Variants in COMMD1 observed in about 807,000 individuals in gnomAD.
The protein encoded by COMMD1 is copper metabolism domain containing 1, also known as COMM domain-containing protein 1.
Under a neutral mutation model 17.2 loss-of-function variants are expected in COMMD1, and 10 were observed. The ratio of observed to expected loss-of-function variants is 0.58; its 90% CI spans 0.36 to 0.99. The LOEUF is 0.99. Among genes scored for constraint, COMMD1 ranks in the 50% least tolerant of loss-of-function variants. The probability of loss-of-function intolerance (pLI) is 0.01; values close to 1 mark genes in which losing one functional copy is unlikely to be tolerated. For synonymous variants in COMMD1, 97 were observed against 91.6 expected (o/e 1.06, Z -0.34); for missense variants, 270 against 231.8 (o/e 1.17, Z -1.07).
intron 2 of COMMD1, among the ~76,000 whole-genome samples, chr2:62,103,116 C>G (rs535406725): frequency 6.6e-6 from 1 of 151,990 alleles, no homozygotes; most frequent in Non-Finnish European, 1.5e-5. Flanking sequence ...GAAGCTGGGA[C>G]TACAGGTGCC....
rs904483167 is a variant in COMMD1, at chr2:62,017,773, C to T, written c.462+16791C>T. Among the ~76,000 whole-genome samples, 4 of 151,950 alleles carry T rather than the reference C, an allele frequency of 2.6e-5. No individual in the cohort carries two copies. The South Asian group carries it at 8.3e-4, about 32-fold the overall frequency. Reference sequence around the variant, plus strand: ...TGACTTCAGGCTGGGCATGGTGGCTCACGCCTATAATACCAGCACTTTGGG... The same window carrying T: ...TGACTTCAGGCTGGGCATGGTGGCTTACGCCTATAATACCAGCACTTTGGG... On this transcript the variant is annotated intron_variant, in intron 2 of 2. Transcript: ENST00000311832.
chr2:62,069,070 C>T (rs528875065), intron 2 of COMMD1, among the ~76,000 whole-genome samples: 9 of 152,248 alleles, frequency 5.9e-5, no homozygotes, highest in Non-Finnish European at 1.0e-4. Flanking sequence ...AGAGGATTTA[C>T]GAAAACTTTG....
At chr2:61,892,863 A>G (rs1669465674) in intron 1 of COMMD1, among the ~76,000 whole-genome samples, 1 of 151,304 alleles carries the variant, frequency 6.6e-6, no homozygotes, top group Non-Finnish European at 1.5e-5. Context: ...TACTGTTTGC[A>G]TCGTTCTTTT....
chr2:61,971,000 C>T (rs1158029108), intron 1 of COMMD1, among the ~76,000 whole-genome samples: 1 of 152,166 alleles, frequency 6.6e-6, no homozygotes, highest in Non-Finnish European at 1.5e-5. Context: ...CCCCTGTCTC[C>T]TGGGCTCAAG....
intron 2 of COMMD1, among the ~76,000 whole-genome samples, chr2:62,067,011 C>A (rs768279856): frequency 1.8e-4 from 28 of 152,208 alleles, no homozygotes; most frequent in Non-Finnish European, 3.2e-4. Context: ...CAGGCTTGAG[C>A]CACCGTGCCC....
At chr2:61,969,131 G>A in intron 1 of COMMD1, 1 of 314,206 alleles carries the variant, frequency 3.2e-6, no homozygotes, top group Non-Finnish European at 6.6e-6. Context: ...GCTTTTATAT[G>A]TAGGTTTTTT....
At chr2:61,895,332 C>T (rs185784482) in intron 1 of COMMD1, among the ~76,000 whole-genome samples, 60 of 152,320 alleles carry the variant, frequency 3.9e-4, no homozygotes, top group African/African-American at 1.3e-3. Context: ...AGCCCAAGAT[C>T]CAGGAAGGCT....
At chr2:61,949,968 C>G (rs1256171435) in intron 1 of COMMD1, among the ~76,000 whole-genome samples, 3 of 152,104 alleles carry the variant, frequency 2.0e-5, no homozygotes, top group Non-Finnish European at 4.4e-5. Context: ...AAGCCAAGGT[C>G]TCAGGACACA....
At chr2:62,012,588 G>T (rs1009945287) in intron 2 of COMMD1, among the ~76,000 whole-genome samples, 1 of 151,902 alleles carries the variant, frequency 6.6e-6, no homozygotes, top group African/African-American at 2.4e-5. Context: ...AAAGTGCTGG[G>T]ATTACAGGAG....
At chr2:61,910,313 C>T (rs1173957267) in intron 1 of COMMD1, among the ~76,000 whole-genome samples, 1 of 151,524 alleles carries the variant, frequency 6.6e-6, no homozygotes, top group African/African-American at 2.4e-5. Flanking sequence ...TGCGGTGGCT[C>T]GATCTTGGCT....
At chr2:61,964,878 A>G (rs1004045760) in intron 1 of COMMD1, among the ~76,000 whole-genome samples, 4 of 152,036 alleles carry the variant, frequency 2.6e-5, no homozygotes, top group African/African-American at 9.7e-5. Context: ...GTCTCTAGTA[A>G]TACAAAAATT....
chr2:61,953,251 C>G (rs1671104958), intron 1 of COMMD1, among the ~76,000 whole-genome samples: 1 of 152,152 alleles, frequency 6.6e-6, no homozygotes, highest in Non-Finnish European at 1.5e-5. Flanking sequence ...CTCAGGTAAT[C>G]TGCCAGCCTC....
intron 1 of COMMD1, among the ~76,000 whole-genome samples, chr2:61,918,091 A>G (rs1572960364): frequency 6.6e-6 from 1 of 152,246 alleles, no homozygotes; most frequent in East Asian, 1.9e-4. Flanking sequence ...TAGAAGCAAC[A>G]TCATGTTGAA....
intron 1 of COMMD1, among the ~76,000 whole-genome samples, chr2:61,896,863 G>A (rs909387001): frequency 1.0e-4 from 14 of 135,706 alleles, no homozygotes; most frequent in Non-Finnish European, 2.1e-4. Flanking sequence ...TTGCTCTGTC[G>A]CCCAGGCTGG....
At chr2:62,094,110 G>C (rs1173767129) in intron 2 of COMMD1, among the ~76,000 whole-genome samples, 3 of 152,170 alleles carry the variant, frequency 2.0e-5, no homozygotes, top group African/African-American at 7.2e-5. Flanking sequence ...CCCTAGGGGA[G>C]AGTAAGATAT....
At chr2:61,953,406 T>C in intron 1 of COMMD1, among the ~76,000 whole-genome samples, 1 of 150,842 alleles carries the variant, frequency 6.6e-6, no homozygotes, top group Non-Finnish European at 1.5e-5. Context: ...TCTCATTCTG[T>C]TGCCCAGGCT....
intron 2 of COMMD1, among the ~76,000 whole-genome samples, chr2:62,065,132 G>T (rs1670992778): frequency 6.6e-6 from 1 of 152,054 alleles, no homozygotes. Context: ...AGCCAAGATT[G>T]TGCCACTGCA....
chr2:61,955,312 T>TTCTCTCTCTCTCTCTC (rs70946770), intron 1 of COMMD1, among the ~76,000 whole-genome samples: 15 of 145,470 alleles, frequency 1.0e-4, no homozygotes, highest in African/African-American at 3.3e-4. Flanking sequence ...CTCTCTCTCT[T>TTCTCTCTCTCTCTCTC]TCTCTCTCTC....
chr2:61,890,155 C>G (rs961060441), intron 1 of COMMD1, among the ~76,000 whole-genome samples: 1 of 152,156 alleles, frequency 6.6e-6, no homozygotes, highest in Admixed American at 6.5e-5. Context: ...GTGGTAGGTT[C>G]AGAAACAAAT....
Sources: allele counts gnomAD v4.1 joint callset (sites outside exome capture counted in the v4.1 genomes callset), GRCh38; gene constraint gnomAD v4.1.1; transcripts MANE v1.5; gene names NCBI Gene and HGNC (gene_info 2026-07-23, HGNC 2026-07-21).